The following BIRC2 variants were observed in gnomAD, a reference collection of about 807,000 sequenced individuals.
BIRC2 encodes the protein baculoviral IAP repeat containing 2.
Under a neutral mutation model 60.9 loss-of-function variants are expected in BIRC2, and 18 were observed. The ratio of observed to expected loss-of-function variants is 0.30; its 90% CI spans 0.20 to 0.44. BIRC2 has a LOEUF of 0.44. Ranked by LOEUF, BIRC2 falls within the 20% of genes least tolerant of loss-of-function variation. The pLI is 1.00. For missense variants in BIRC2, 701 were observed against 728.5 expected (o/e 0.96, Z 0.43); for synonymous variants, 282 against 247.7 (o/e 1.14, Z -1.30).
intron 6 of BIRC2, 83 bp from the exon 7 acceptor site, chr11:102,377,413 G>T: frequency 1.6e-6 from 2 of 1,233,104 alleles, no homozygotes; most frequent in Non-Finnish European, 2.2e-6. Context: ...TAAATTGTTT[G>T]TAGGGTTGGT....
chr11:102,373,296 C>A (rs947437590), intron 6 of BIRC2, among the ~76,000 whole-genome samples: 9 of 152,158 alleles, frequency 5.9e-5, no homozygotes, highest in African/African-American at 2.2e-4. Flanking sequence ...GATTTTGCAG[C>A]TGCTGGTACC....
At chr11:102,362,832 A>G (rs1951500396) in intron 3 of BIRC2, 64 bp from the exon 4 acceptor site, 1 of 1,286,780 alleles carries the variant, frequency 7.8e-7, no homozygotes, top group Non-Finnish European at 1.1e-6. Context: ...CCATTTTTCT[A>G]GAATGATCAG....
chr11:102,368,251 T>C, intron 5 of BIRC2, 55 bp from the exon 6 acceptor site: 3 of 1,556,680 alleles, frequency 1.9e-6, no homozygotes, highest in Non-Finnish European at 2.6e-6. Flanking sequence ...ATGATACTTT[T>C]TTCCATAGGT....
At chr11:102,366,029 C>T (rs1199276280) in intron 5 of BIRC2, among the ~76,000 whole-genome samples, 1 of 152,126 alleles carries the variant, frequency 6.6e-6, no homozygotes, top group Non-Finnish European at 1.5e-5. Context: ...GAGTACCCCT[C>T]ATAGCTCAGC....
At chr11:102,375,438 C>A (rs998834968) in intron 6 of BIRC2, among the ~76,000 whole-genome samples, 5 of 152,102 alleles carry the variant, frequency 3.3e-5, no homozygotes, top group Admixed American at 1.3e-4. Context: ...GACCGTGTAG[C>A]AAAATATTTA....
intron 6 of BIRC2, among the ~76,000 whole-genome samples, chr11:102,368,758 G>A (rs773788690): frequency 9.2e-5 from 14 of 152,024 alleles, no homozygotes; most frequent in Middle Eastern, 3.4e-3. Flanking sequence ...ATTTATTTTC[G>A]GATGAGGTTC....
Position 102,377,990 on chromosome 11 carries a change from G to C in BIRC2, c.1664G>C (p.Gly555Ala). ...CACTAAAGTTATTTTTTGTTATTAGGTCTGTCACTGGAAGAACAATTGAGG... is the reference window on the plus strand; with the variant it reads ...CACTAAAGTTATTTTTTGTTATTAGCTCTGTCACTGGAAGAACAATTGAGG... The part of the protein sequence containing the change: ...MKYIPTEDVS[G>A]LSLEEQLRRL... Residue 555 changes from glycine to alanine, a missense_variant and splice_region_variant, in exon 9 of 9, where the codon GGT (glycine) becomes GCT (alanine). Coordinates refer to ENST00000227758, the MANE Select transcript of BIRC2 (RefSeq NM_001166.5). The C allele has an allele frequency of 6.2e-7, 1 of 1,606,296 alleles. No individual in the cohort carries two copies. The highest frequency in any genetic ancestry group is 8.5e-7 in the Non-Finnish European group (1 of 1,177,416).
rs532658654 is a variant in BIRC2 at position 102,372,506 on chromosome 11, G to C, written c.1366+3958G>C. ...GAGTGTTTCTTAATCCTGAGTTCTA[G>C]TTTGATTGCACTGTGGTCTGAGAGA... On this transcript the variant is annotated intron_variant, in intron 6 of 8. Coordinates refer to ENST00000227758, the MANE Select transcript of BIRC2 (RefSeq NM_001166.5). Among the ~76,000 whole-genome samples, 580 of 152,216 alleles carry C rather than the reference G, an allele frequency of 3.8e-3. 5 individuals carry two copies. The highest frequency in any genetic ancestry group is 0.013 in the African/African-American group (552 of 41,520).
At position 102,368,403 on chromosome 11, in the gene BIRC2, C is replaced by G. The variant is rs1329023965; in HGVS notation, c.1221C>G (p.Asp407Glu). The G allele has an allele frequency of 2.5e-6, 4 of 1,613,918 alleles. No homozygotes were observed. The highest frequency in any genetic ancestry group is 3.4e-6 in the Non-Finnish European group (4 of 1,179,974). Residue 407 changes from aspartate (D) to glutamate (E), a missense_variant, in exon 6 of 9, where the codon GAC (aspartate) becomes GAG (glutamate). Asp to Glu is a conservative substitution (Grantham distance 45, BLOSUM62 2). Coordinates refer to ENST00000227758, the MANE Select transcript of BIRC2 (RefSeq NM_001166.5). Reference sequence around the variant, plus strand: ...CCTTGGAAATGGGCTTTAATAGAGACCTGGTGAAACAAACAGTTCAAAGTA... The same window carrying G: ...CCTTGGAAATGGGCTTTAATAGAGAGCTGGTGAAACAAACAGTTCAAAGTA... ...KSALEMGFNR[D>E]LVKQTVQSKI...
intron 7 of BIRC2, 28 bp downstream of exon 7, chr11:102,377,778 A>G: frequency 6.3e-7 from 1 of 1,592,878 alleles, no homozygotes; most frequent in Non-Finnish European, 8.5e-7. Context: ...ATTATTTTAG[A>G]AATTCTTAGG....
chr11:102,349,951 A>G lies in BIRC2; in HGVS notation c.97A>G (p.Asn33Asp). Residue 33 changes from asparagine to aspartate, a missense_variant, in exon 2 of 9, where the codon AAC becomes GAC. Coordinates refer to ENST00000227758, the MANE Select transcript of BIRC2 (RefSeq NM_001166.5). ...EDSTILSDWT[N>D]SNKQKMKYDF... is the part of the protein sequence containing the mutation. ...TAGCACGATCTTGTCAGATTGGACAAACAGCAACAAACAAAAAATGAAGTA... is the reference window on the plus strand; with the variant it reads ...TAGCACGATCTTGTCAGATTGGACAGACAGCAACAAACAAAAAATGAAGTA... 1 of 1,614,224 alleles carries G rather than the reference A, an allele frequency of 6.2e-7. No homozygotes were observed. The highest frequency in any genetic ancestry group is 1.3e-5 in the African/African-American group (1 of 75,056).
At chr11:102,359,712 A>T (rs1315725984) in intron 3 of BIRC2, among the ~76,000 whole-genome samples, 2 of 152,188 alleles carry the variant, frequency 1.3e-5, no homozygotes, top group African/African-American at 4.8e-5. Context: ...TTGTGGTCTT[A>T]TAGGGTTTCT....
intron 6 of BIRC2, among the ~76,000 whole-genome samples, chr11:102,374,295 G>C (rs1951673874): frequency 1.3e-5 from 2 of 150,672 alleles, no homozygotes; most frequent in South Asian, 4.2e-4. Flanking sequence ...CCATCTTTGT[G>C]GTTTTATCTA....
chr11:102,359,545 T>C (rs1036098590), intron 3 of BIRC2, among the ~76,000 whole-genome samples: 2 of 152,224 alleles, frequency 1.3e-5, no homozygotes, highest in Admixed American at 1.3e-4. Flanking sequence ...ATAAACTCCC[T>C]CAGCTTTTGT....
intron 3 of BIRC2, among the ~76,000 whole-genome samples, chr11:102,356,808 A>T (rs896309158): frequency 9.2e-5 from 14 of 151,600 alleles, no homozygotes; most frequent in Admixed American, 5.9e-4. Flanking sequence ...CCTCCCGAGT[A>T]GGTGGGACCA....
At chr11:102,369,414 G>A (rs1313820276) in intron 6 of BIRC2, among the ~76,000 whole-genome samples, 12 of 150,258 alleles carry the variant, frequency 8.0e-5, no homozygotes, top group Admixed American at 8.0e-4. Context: ...AATATGCGGT[G>A]TTTGGTTTTT....
At chr11:102,356,911 C>T (rs372573084) in intron 3 of BIRC2, among the ~76,000 whole-genome samples, 10 of 151,940 alleles carry the variant, frequency 6.6e-5, no homozygotes, top group Non-Finnish European at 1.5e-4. Context: ...CTCAGGTGAT[C>T]CACCCATCTT....
At chr11:102,377,455 G>A in intron 6 of BIRC2, 41 bp from the exon 7 acceptor site, 2 of 1,549,062 alleles carry the variant, frequency 1.3e-6, no homozygotes, top group Non-Finnish European at 1.7e-6. Flanking sequence ...AGTTAAAGGA[G>A]TTTAAAATCT....
intron 5 of BIRC2, among the ~76,000 whole-genome samples, chr11:102,366,050 T>C (rs962122941): frequency 6.6e-6 from 1 of 152,198 alleles, no homozygotes; most frequent in African/African-American, 2.4e-5. Flanking sequence ...TTAAATTTAT[T>C]TCTCCATTTC....
Sources: allele counts gnomAD v4.1 joint callset (sites outside exome capture counted in the v4.1 genomes callset), GRCh38; gene constraint gnomAD v4.1.1; transcripts MANE v1.5; gene names NCBI Gene and HGNC (gene_info 2026-07-23, HGNC 2026-07-21).